Variants in GCSAML observed in about 807,000 individuals in gnomAD.
GCSAML encodes germinal center-associated signaling and motility-like protein.
GCSAML carries 9 observed loss-of-function variants against 13.0 expected under a neutral mutation model. That is an observed-to-expected ratio of 0.69 (90% CI 0.42 to 1.21). The LOEUF (loss-of-function observed/expected upper bound fraction) is 1.21, where lower values mean the gene tolerates loss of function less well. GCSAML is among the 50% of genes most tolerant of loss of function. The pLI, the probability that GCSAML is intolerant of heterozygous loss-of-function variation, is 0.00. For missense variants in GCSAML, 143 were observed against 153.4 expected (o/e 0.93, Z 0.36); for synonymous variants, 37 against 52.9 (o/e 0.70, Z 1.31).
rs539273758 is a variant in GCSAML, at chr1:247,576,911, A to T, written c.*2529A>T. On this transcript the variant is annotated 3_prime_UTR_variant, in exon 5 of 5. Coordinates refer to ENST00000366488, the MANE Select transcript of GCSAML (RefSeq NM_145278.5). ...TTGTAATAAAATTAATTTTAATTTG[A>T]GTAACAATCTGGAATTATCAGAGAA... is the stretch of plus-strand genomic sequence containing the variant. 2 of 152,290 alleles carry T rather than the reference A, an allele frequency of 1.3e-5. No individual in the cohort carries two copies. Among genetic ancestry groups the T allele is most frequent in the African/African-American group, 4.8e-5 (2 of 41,564 alleles). The allele number at this position is 152,290 out of a possible 1,614,324, so 9.4% of individuals were successfully genotyped here.
At chr1:247,560,682 C>A (rs541597031) in intron 2 of GCSAML, among the ~76,000 whole-genome samples, 1 of 152,124 alleles carries the variant, frequency 6.6e-6, no homozygotes, top group Non-Finnish European at 1.5e-5. Flanking sequence ...TATGTATATA[C>A]GGTGAAGTGA....
At chr1:247,532,472 CAA>C in intron 2 of GCSAML, 1 of 1,613,966 alleles carries the variant, frequency 6.2e-7, no homozygotes, top group South Asian at 1.1e-5. Flanking sequence ...CCCAGGAGGA[CAA>C]AGACTTCTGG....
intron 1 of GCSAML, among the ~76,000 whole-genome samples, chr1:247,517,837 CTAAA>C (rs923053298): frequency 6.6e-6 from 1 of 152,186 alleles, no homozygotes; most frequent in Non-Finnish European, 1.5e-5. Flanking sequence ...GTGAACCTCT[CTAAA>C]TAGGCAAATG....
intron 2 of GCSAML, among the ~76,000 whole-genome samples, chr1:247,535,034 G>C (rs1253841076): frequency 6.6e-6 from 1 of 152,142 alleles, no homozygotes; most frequent in Non-Finnish European, 1.5e-5. Flanking sequence ...GAGGCAAGCC[G>C]GGGGCGGTGG....
intron 1 of GCSAML, among the ~76,000 whole-genome samples, chr1:247,513,999 T>A (rs1307969925): frequency 6.6e-6 from 1 of 152,004 alleles, no homozygotes; most frequent in East Asian, 1.9e-4. Context: ...CTTTTTTTTT[T>A]AAGATGGAGT....
At chr1:247,509,548 A>G (rs1173610006) in intron 1 of GCSAML, among the ~76,000 whole-genome samples, 1 of 152,116 alleles carries the variant, frequency 6.6e-6, no homozygotes, top group African/African-American at 2.4e-5. Flanking sequence ...GTTGAATAGG[A>G]GTGGTGAGAG....
At chr1:247,549,600 C>A (rs892611825) in intron 1 of GCSAML, among the ~76,000 whole-genome samples, 4 of 152,100 alleles carry the variant, frequency 2.6e-5, no homozygotes, top group Non-Finnish European at 5.9e-5. Context: ...TGTATTTCAT[C>A]TGGCAACCCT....
chr1:247,565,904 C>CTTTTT (rs367904043), intron 3 of GCSAML, 27 bp from the exon 4 acceptor site: 8 of 1,368,946 alleles, frequency 5.8e-6, no homozygotes, highest in East Asian at 2.5e-5. Flanking sequence ...TCCTTTCTTT[C>CTTTTT]TTTTTTTTTT....
chr1:247,571,843 A>T (rs1424579341), intron 4 of GCSAML, among the ~76,000 whole-genome samples: 1 of 152,088 alleles, frequency 6.6e-6, no homozygotes, highest in Non-Finnish European at 1.5e-5. Context: ...CACCAATCAA[A>T]TGTAGGTTTG....
intron 2 of GCSAML, among the ~76,000 whole-genome samples, chr1:247,558,411 A>C (rs1668021042): frequency 6.6e-6 from 1 of 152,196 alleles, no homozygotes; most frequent in Non-Finnish European, 1.5e-5. Context: ...AGGCTTATAG[A>C]GGTATAGTAC....
At chr1:247,520,780 C>G (rs1489075200) in intron 1 of GCSAML, among the ~76,000 whole-genome samples, 1 of 151,920 alleles carries the variant, frequency 6.6e-6, no homozygotes, top group Non-Finnish European at 1.5e-5. Flanking sequence ...TTCAGATTTC[C>G]TCATTGGATT....
intron 2 of GCSAML, among the ~76,000 whole-genome samples, chr1:247,560,874 C>G (rs1414874767): frequency 2.0e-5 from 3 of 152,046 alleles, no homozygotes; most frequent in African/African-American, 7.2e-5. Context: ...CCTGTGAAGT[C>G]GGTTTTCAGA....
Position 247,575,059 on chromosome 1 carries a change from A to C in GCSAML, c.*677A>C, listed in dbSNP as rs1333085678. 1 of 152,416 alleles carries C rather than the reference A, an allele frequency of 6.6e-6. No homozygotes were observed. Among genetic ancestry groups the C allele is most frequent in the Non-Finnish European group, 1.5e-5 (1 of 68,212 alleles). The allele number at this position is 152,416 out of a possible 1,614,324, so 9.4% of individuals were successfully genotyped here. ...AGCTTAACTCTTTCAACCAATTGCC[A>C]ATCAGACAAACTTTGAATCTACCTA... is the stretch of plus-strand genomic sequence containing the variant. On this transcript the variant is annotated 3_prime_UTR_variant, in exon 5 of 5. Coordinates refer to ENST00000366488, the MANE Select transcript of GCSAML (RefSeq NM_145278.5).
chr1:247,512,729 C>A (rs1011090411), intron 1 of GCSAML, among the ~76,000 whole-genome samples: 7 of 152,082 alleles, frequency 4.6e-5, no homozygotes, highest in African/African-American at 1.7e-4. Context: ...TGACGCTATT[C>A]CTTTCTGCTT....
At chr1:247,524,686 A>G (rs1666602953) in intron 1 of GCSAML, 1 of 152,218 alleles carries the variant, frequency 6.6e-6, no homozygotes, top group African/African-American at 2.4e-5. Context: ...GCATAAAGGC[A>G]TGATTGATAG....
At chr1:247,544,377 A>G (rs970698052), upstream of GCSAML, among the ~76,000 whole-genome samples, 1 of 152,220 alleles carries the variant, frequency 6.6e-6, no homozygotes, top group Non-Finnish European at 1.5e-5. Flanking sequence ...TTCTGTTCAT[A>G]TAACAGCTTC....
intron 1 of GCSAML, among the ~76,000 whole-genome samples, chr1:247,550,377 T>C (rs200132637): frequency 6.3e-4 from 96 of 152,230 alleles, no homozygotes; most frequent in East Asian, 2.5e-3. Flanking sequence ...GTGGCTCATG[T>C]CTGTAATCCC....
upstream of GCSAML, chr1:247,548,980 G>A (rs555361393): frequency 8.3e-5 from 106 of 1,272,386 alleles, no homozygotes; most frequent in African/African-American, 6.5e-4. The surrounding 1 kb of genome is among the most constrained non-coding windows in gnomAD (Gnocchi z 5.3). Context: ...GCACACACAC[G>A]CACACTCACA....
chr1:247,519,472 G>A (rs960917524), intron 1 of GCSAML: 2 of 152,192 alleles, frequency 1.3e-5, no homozygotes, highest in Admixed American at 1.3e-4. Flanking sequence ...CCAGACCCCT[G>A]TGCAGATGAC....
Sources: gnomAD v4.1 joint callset for allele counts (sites outside exome capture counted in the v4.1 genomes callset) on GRCh38, gnomAD v4.1.1 for gene constraint, Gnocchi (gnomAD v3.1) non-coding constraint, MANE v1.5 for transcripts, NCBI Gene and HGNC (gene_info 2026-07-23, HGNC 2026-07-21) for gene names.